TET2: variants seen among roughly 807,000 people sequenced by gnomAD.
TET2 encodes methylcytosine dioxygenase TET2.
In TET2, 299 loss-of-function variants were observed where a neutral mutation model predicts 142.9. The observed-to-expected ratio is 2.09, with a 90% CI of 1.90 to 2.30. TET2 has a LOEUF of 2.30. Among genes scored for constraint, TET2 ranks in the 30% most tolerant of loss-of-function variants. TET2 has a pLI of 0.00. For synonymous variants in TET2, 819 were observed against 849.0 expected, an observed-to-expected ratio of 0.96 and a Z score of 0.61; for missense variants, 2,418 against 2,378.0, an observed-to-expected ratio of 1.02 and a Z score of -0.35.
chr4:105,242,933 T>A lies in TET2; in HGVS notation c.3594+6T>A, dbSNP rs1729384250. ...GATGTCCTATTGCTAAGTGGGTAAGTGTGACTTGATAAAGCCTTTGGTCTT... is the reference window on the plus strand; with the variant it reads ...GATGTCCTATTGCTAAGTGGGTAAGAGTGACTTGATAAAGCCTTTGGTCTT... On this transcript the variant is annotated splice_donor_region_variant and intron_variant, in intron 5 of 10. Transcript: ENST00000380013. 1 of 1,547,916 alleles carries A rather than the reference T, an allele frequency of 6.5e-7. No individual in the cohort carries two copies. Among genetic ancestry groups the A allele is most frequent in the Non-Finnish European group, 8.7e-7 (1 of 1,143,796 alleles).
rs762084139 is a variant in TET2, at chr4:105,276,484, A to T, written c.5974A>T (p.Thr1992Ser). 6.4e-7 allele frequency: 1 copy of T among 1,551,462 alleles called. No homozygotes were observed. The highest frequency in any genetic ancestry group is 1.2e-5 in the South Asian group (1 of 84,048). The change falls in exon 11 of 11, where the codon ACT becomes TCT. Residue 1992 changes from threonine to serine, a missense_variant. Coordinates refer to ENST00000380013, the MANE Select transcript of TET2 (RefSeq NM_001127208.3). The stretch of plus-strand genomic sequence containing the variant: ...AGTAACTACATCTCCATATGCCTTC[A>T]CTCGGGTCACAGGGCCTTACAACAG... Reference protein sequence around the residue: ...STVTTSPYAFTRVTGPYNRYI With the variant: ...STVTTSPYAFSRVTGPYNRYI
Position 105,228,558 on chromosome 4 carries a change from C to T in TET2, c.-46-5339C>T, listed in dbSNP as rs569457177. 7.8e-4 allele frequency among the ~76,000 whole-genome samples: 118 copies of T among 152,130 alleles called. 1 individual carries two copies. In the South Asian group the frequency reaches 0.018, roughly 24 times the overall value. On this transcript the variant is annotated intron_variant, in intron 2 of 10. Coordinates refer to ENST00000380013, the MANE Select transcript of TET2 (RefSeq NM_001127208.3). ...ATAATAAAAGATAATATATTAAATG[C>T]TTAAAATATTTTATACCTTAGAAAG...
Position 105,173,443 on chromosome 4 carries a change from G to C in TET2, c.-192-16917G>C, listed in dbSNP as rs141752231. 6.0e-4 allele frequency among the ~76,000 whole-genome samples: 92 copies of C among 152,074 alleles called. 2 individuals are homozygous for C. The highest frequency in any genetic ancestry group is 2.1e-3 in the African/African-American group (88 of 41,490). ...AGCTACTTGGGAGGCTGAGGCAGGA[G>C]AATCGATTGAACCCAGGAGGTGGAG... On this transcript the variant is annotated intron_variant, in intron 1 of 10. Transcript: ENST00000380013.
intron 1 of TET2, among the ~76,000 whole-genome samples, chr4:105,178,783 T>C (rs1423044862): frequency 2.0e-5 from 3 of 152,034 alleles, no homozygotes; most frequent in Non-Finnish European, 4.4e-5. Context: ...ATAATAATAA[T>C]AAAATAAATT....
rs752531433 is a variant in TET2 at position 105,236,261 on chromosome 4, A to C, written c.2319A>C (p.Gly773=). 39 of 1,614,036 alleles carry C rather than the reference A, an allele frequency of 2.4e-5. No homozygotes were observed. The highest frequency in any genetic ancestry group is 3.1e-5 in the Non-Finnish European group (37 of 1,180,044). ...PQSNNDQQRE[G]SFFGQTKVEE... is the part of the protein sequence containing the mutation. Reference sequence around the variant, plus strand: ...GCAACAATGATCAGCAAAGAGAAGGATCATTCTTTGGCCAGACTAAAGTGG... The same window carrying C: ...GCAACAATGATCAGCAAAGAGAAGGCTCATTCTTTGGCCAGACTAAAGTGG... The change falls in exon 3 of 11, where the codon GGA becomes GGC. Residue 773 remains glycine, a synonymous_variant. Coordinates refer to ENST00000380013, the MANE Select transcript of TET2 (RefSeq NM_001127208.3).
intron 3 of TET2, chr4:105,241,099 T>C: frequency 1.8e-6 from 2 of 1,101,990 alleles, no homozygotes; most frequent in Non-Finnish European, 2.3e-6. Context: ...TAAAATAATT[T>C]TTTATCCCAT....
intron 2 of TET2, among the ~76,000 whole-genome samples, chr4:105,203,707 A>G (rs1428518950): frequency 1.3e-5 from 2 of 152,210 alleles, no homozygotes; most frequent in Non-Finnish European, 2.9e-5. Flanking sequence ...CAATGCTGCC[A>G]TACGGTAGGT....
At position 105,276,525 on chromosome 4, in the gene TET2, C is replaced by T; in HGVS notation, c.*6C>T. On this transcript the variant is annotated 3_prime_UTR_variant, in exon 11 of 11. Transcript: ENST00000380013. ...CTTACAACAGATATATATGATATCACCCCCTTTTGTTGGTTACCTCACTTG... is the reference window on the plus strand; with the variant it reads ...CTTACAACAGATATATATGATATCATCCCCTTTTGTTGGTTACCTCACTTG... 6.5e-7 allele frequency: 1 copy of T among 1,544,568 alleles called. No individual in the cohort carries two copies. Among genetic ancestry groups the T allele is most frequent in the Non-Finnish European group, 8.8e-7 (1 of 1,142,424 alleles).
rs3733609 is a variant in TET2 at position 105,269,705 on chromosome 4, T to C, written c.4140T>C (p.His1380=). The C allele has an allele frequency of 0.024, 37,651 of 1,551,582 alleles. 5,073 individuals are homozygous for C. The African/African-American group carries it at 0.36, about 15-fold the overall frequency. ...CTGCATGTTTGGACTTCTGTGCTCA[T>C]GCCCACAGAGACTTGCACAACATGC... ...GVTACLDFCA[H]AHRDLHNMQN... Residue 1380 remains histidine (H), a synonymous_variant, in exon 9 of 11, where the codon CAT becomes CAC. Transcript: ENST00000380013.
chr4:105,186,273 TGG>T lies in TET2; in HGVS notation c.-192-4085_-192-4084del, dbSNP rs1725437111. The stretch of plus-strand genomic sequence containing the variant: ...ACAAAAACAACAGTAGATATGTGTG[TGG>T]GAATGAGAACATTTAAATGTGCTCA... On this transcript the variant is annotated intron_variant, in intron 1 of 10. Coordinates refer to ENST00000380013, the MANE Select transcript of TET2 (RefSeq NM_001127208.3). Among the ~76,000 whole-genome samples, 3 of 152,202 alleles carry T rather than the reference TGG, an allele frequency of 2.0e-5. No individual in the cohort carries two copies. The South Asian group carries it at 6.2e-4, about 32-fold the overall frequency.
intron 8 of TET2, among the ~76,000 whole-genome samples, chr4:105,266,572 G>C (rs1380662070): frequency 6.6e-6 from 1 of 152,044 alleles, no homozygotes; most frequent in Non-Finnish European, 1.5e-5. Flanking sequence ...GCATGAGAGT[G>C]ATAAGGAAAG....
intron 1 of TET2, among the ~76,000 whole-genome samples, chr4:105,175,266 T>C (rs1724716290): frequency 1.3e-5 from 2 of 151,972 alleles, no homozygotes. Context: ...GGCAGTGACA[T>C]TGGAATTATC....
intron 8 of TET2, among the ~76,000 whole-genome samples, chr4:105,262,960 C>G (rs773883504): frequency 2.3e-4 from 35 of 151,882 alleles, no homozygotes; most frequent in Non-Finnish European, 4.6e-4. Context: ...GACCAGGAGT[C>G]TGAGGCTGCG....
chr4:105,251,644 T>C (rs1055351510), intron 6 of TET2, among the ~76,000 whole-genome samples: 2 of 152,332 alleles, frequency 1.3e-5, no homozygotes, highest in African/African-American at 2.4e-5. Context: ...AGGTATTTCA[T>C]TGAGGACTTT....
Position 105,277,474 on chromosome 4 carries a change from TA to T in TET2, c.*961del, listed in dbSNP as rs1342247025. The T allele has an allele frequency of 3.1e-5, 7 of 226,468 alleles. No individual in the cohort carries two copies. The highest frequency in any genetic ancestry group is 1.6e-4 in the African/African-American group (7 of 45,026). The allele number at this position is 226,468 out of a possible 1,614,324, so 14.0% of individuals were successfully genotyped here. The stretch of plus-strand genomic sequence containing the variant: ...AACAATGCTAAGGTACTGAGATGTT[TA>T]AAAAACAAGTTTACTTTCATTTTAG... On this transcript the variant is annotated 3_prime_UTR_variant, in exon 11 of 11. Coordinates refer to ENST00000380013, the MANE Select transcript of TET2 (RefSeq NM_001127208.3).
intron 1 of TET2, among the ~76,000 whole-genome samples, chr4:105,165,713 C>T (rs1724117166): frequency 2.0e-5 from 3 of 152,156 alleles, no homozygotes; most frequent in Non-Finnish European, 4.4e-5. Context: ...GAGTACCTTT[C>T]TAAGTCTGCA....
chr4:105,270,839 G>T (rs1201881217), intron 9 of TET2, among the ~76,000 whole-genome samples: 1 of 152,194 alleles, frequency 6.6e-6, no homozygotes, highest in Admixed American at 6.5e-5. Flanking sequence ...TGTAGGTGTA[G>T]TTGAAGAAGA....
At chr4:105,247,181 T>C (rs1729621492) in intron 6 of TET2, among the ~76,000 whole-genome samples, 1 of 152,184 alleles carries the variant, frequency 6.6e-6, no homozygotes, top group Non-Finnish European at 1.5e-5. Flanking sequence ...TTTTTTCATA[T>C]ATTTTTCCCA....
intron 1 of TET2, among the ~76,000 whole-genome samples, chr4:105,185,744 A>G (rs1350796883): frequency 1.3e-5 from 2 of 152,198 alleles, no homozygotes; most frequent in South Asian, 2.1e-4. Flanking sequence ...GCACCACTGC[A>G]CTCCAGCCTG....
Sources: gnomAD v4.1 joint callset for allele counts (sites outside exome capture counted in the v4.1 genomes callset) on GRCh38, gnomAD v4.1.1 for gene constraint, MANE v1.5 for transcripts, NCBI Gene and HGNC (gene_info 2026-07-23, HGNC 2026-07-21) for gene names.